IQGAP1: variants seen among roughly 807,000 people sequenced by gnomAD.
IQGAP1 encodes IQ motif containing GTPase activating protein 1.
Under a neutral mutation model 215.6 loss-of-function variants are expected in IQGAP1, and 66 were observed. The observed-to-expected ratio is 0.31, with a 90% CI of 0.25 to 0.38. The LOEUF is 0.38. Among genes scored for constraint, IQGAP1 ranks in the 10% least tolerant of loss-of-function variants. The probability of loss-of-function intolerance (pLI) is 1.00; values close to 1 mark genes in which losing one functional copy is unlikely to be tolerated. For missense variants in IQGAP1, 1,712 were observed against 1,997.1 expected (o/e 0.86, Z 2.72); for synonymous variants, 772 against 728.7 (o/e 1.06, Z -0.96).
intron 36 of IQGAP1, among the ~76,000 whole-genome samples, chr15:90,495,193 C>G (rs965699903): frequency 6.6e-6 from 1 of 152,026 alleles, no homozygotes; most frequent in African/African-American, 2.4e-5. Context: ...AGCTAGGAAC[C>G]AGGCACTTAT....
chr15:90,445,603 T>C (rs1965515809), intron 9 of IQGAP1, among the ~76,000 whole-genome samples: 1 of 152,198 alleles, frequency 6.6e-6, no homozygotes, highest in African/African-American at 2.4e-5. Context: ...GTCCTCCTAA[T>C]TCCTAGCATA....
intron 2 of IQGAP1, among the ~76,000 whole-genome samples, chr15:90,421,140 G>C (rs1400403084): frequency 6.7e-6 from 1 of 150,274 alleles, no homozygotes; most frequent in Non-Finnish European, 1.5e-5. Flanking sequence ...CCATCTCAAA[G>C]AAAAATTTTT....
intron 2 of IQGAP1, among the ~76,000 whole-genome samples, chr15:90,422,418 A>G (rs1323478714): frequency 1.3e-5 from 2 of 151,986 alleles, no homozygotes; most frequent in Non-Finnish European, 2.9e-5. Context: ...AATAAAGAAG[A>G]ACACCGTGCA....
rs1965950718 is a variant in IQGAP1 at position 90,474,489 on chromosome 15, T to C, written c.2580T>C (p.Asn860=). 2 of 1,613,356 alleles carry C rather than the reference T, an allele frequency of 1.2e-6. No homozygotes were observed. The highest frequency in any genetic ancestry group is 1.1e-5 in the South Asian group (1 of 91,066). ...TTGATGCATACTTTCTGTCAGTCAATGCTGAGGATCCTCCTATGGTTGTGG... is the reference window on the plus strand; with the variant it reads ...TTGATGCATACTTTCTGTCAGTCAACGCTGAGGATCCTCCTATGGTTGTGG... ...KARDDYKTLI[N]AEDPPMVVVR... is the part of the protein sequence containing the mutation. Residue 860 remains asparagine (N), a synonymous_variant, in exon 23 of 38, where the codon AAT becomes AAC. Transcript: ENST00000268182.
chr15:90,440,718 A>G lies in IQGAP1; in HGVS notation c.649+103A>G. The G allele has an allele frequency of 5.6e-6, 4 of 714,316 alleles. No individual in the cohort carries two copies. In the South Asian group the frequency reaches 7.2e-5, roughly 13 times the overall value. The allele number at this position is 714,316 out of a possible 1,614,324, so 44.2% of individuals were successfully genotyped here. A position where few individuals can be genotyped will look rare whatever the true frequency, so the allele number is the denominator to read the frequency against. Reference sequence around the variant, plus strand: ...TAGGACATTATGAATCTTGCCAGCAAGTTTAAGTCCACAGATGTAGTTGTA... The same window carrying G: ...TAGGACATTATGAATCTTGCCAGCAGGTTTAAGTCCACAGATGTAGTTGTA... On this transcript the variant is annotated intron_variant, in intron 7 of 37. Coordinates refer to ENST00000268182, the MANE Select transcript of IQGAP1 (RefSeq NM_003870.4).
intron 9 of IQGAP1, among the ~76,000 whole-genome samples, chr15:90,447,504 C>A (rs891177364): frequency 1.3e-5 from 2 of 151,836 alleles, no homozygotes; most frequent in African/African-American, 4.8e-5. Context: ...CTATTATGCC[C>A]CAGATATTTT....
At chr15:90,458,097 T>C (rs1965712079) in intron 15 of IQGAP1, among the ~76,000 whole-genome samples, 1 of 152,224 alleles carries the variant, frequency 6.6e-6, no homozygotes, top group South Asian at 2.1e-4. Context: ...TCTATGGGTT[T>C]GTCTATTCTG....
At chr15:90,480,056 G>T (rs1318960584) in intron 26 of IQGAP1, among the ~76,000 whole-genome samples, 1 of 151,896 alleles carries the variant, frequency 6.6e-6, no homozygotes, top group Non-Finnish European at 1.5e-5. Flanking sequence ...TTTCTTGTGG[G>T]TACCTATAAG....
intron 9 of IQGAP1, among the ~76,000 whole-genome samples, chr15:90,446,002 A>C (rs1965523305): frequency 6.6e-6 from 1 of 152,108 alleles, no homozygotes; most frequent in Non-Finnish European, 1.5e-5. Flanking sequence ...CTTCTGGTTC[A>C]TTTAGGATAA....
At chr15:90,423,861 T>C (rs1965183196) in intron 2 of IQGAP1, among the ~76,000 whole-genome samples, 1 of 152,174 alleles carries the variant, frequency 6.6e-6, no homozygotes, top group African/African-American at 2.4e-5. Flanking sequence ...TGCTGGGAGA[T>C]GTTACCATGG....
At chr15:90,419,293 A>G (rs1393784735) in intron 2 of IQGAP1, among the ~76,000 whole-genome samples, 2 of 152,198 alleles carry the variant, frequency 1.3e-5, no homozygotes, top group African/African-American at 2.4e-5. Context: ...AGGTTGTTGC[A>G]AAGATTGAGA....
intron 2 of IQGAP1, among the ~76,000 whole-genome samples, chr15:90,410,880 C>G (rs1596253561): frequency 6.6e-6 from 1 of 151,594 alleles, no homozygotes; most frequent in East Asian, 1.9e-4. Flanking sequence ...CCCAAGATCC[C>G]CTCAAAAAAA....
intron 18 of IQGAP1, among the ~76,000 whole-genome samples, chr15:90,471,387 A>T (rs1263624420): frequency 3.3e-5 from 5 of 152,130 alleles, no homozygotes; most frequent in African/African-American, 1.2e-4. Flanking sequence ...GAAGAAGGGG[A>T]AGGAGAGCAA....
In IQGAP1 at chr15:90,426,200, G is replaced by A. The variant is rs553155085; in HGVS notation, c.246G>A (p.Gly82=). 1 of 1,601,982 alleles carries A rather than the reference G, an allele frequency of 6.2e-7. No individual in the cohort carries two copies. Among genetic ancestry groups the A allele is most frequent in the Admixed American group, 1.8e-5 (1 of 57,098 alleles). The change falls in exon 3 of 38, where the codon GGG becomes GGA. Residue 82 remains glycine (G), a synonymous_variant. Coordinates refer to ENST00000268182, the MANE Select transcript of IQGAP1 (RefSeq NM_003870.4). ...LRNGVYLAKL[G]NFFSPKVVSL... is the part of the protein sequence containing the mutation. ...ATGGGGTCTACCTTGCCAAACTGGG[G>A]AACTTCTTCTCTCCCAAAGTAGTGT... is the stretch of plus-strand genomic sequence containing the variant.
rs371967986 is a variant in IQGAP1, at chr15:90,443,382, A to G, written c.829-12A>G. 2 of 1,590,982 alleles carry G rather than the reference A, an allele frequency of 1.3e-6. No individual in the cohort carries two copies. Among genetic ancestry groups the G allele is most frequent in the East Asian group, 2.2e-5 (1 of 44,726 alleles). Reference sequence around the variant, plus strand: ...TTAAGCTAACTTAATTACGCTTTTTACTCATCCTCAGACAGAAAACTCAGA... The same window carrying G: ...TTAAGCTAACTTAATTACGCTTTTTGCTCATCCTCAGACAGAAAACTCAGA... On this transcript the variant is annotated splice_polypyrimidine_tract_variant and intron_variant, in intron 8 of 37. Transcript: ENST00000268182.
rs1196961591 is a variant in IQGAP1, at chr15:90,499,931, T to G, written c.4861-64T>G. 4 of 1,103,940 alleles carry G rather than the reference T, an allele frequency of 3.6e-6. No homozygotes were observed. In the African/African-American group the frequency reaches 6.3e-5, roughly 17 times the overall value. The allele number at this position is 1,103,940 out of a possible 1,614,324, so 68.4% of individuals were successfully genotyped here. ...CCTCCCTACATTGTGTCCTTTTTCC[T>G]TGTTCCACAGACTTGATTAACTGTC... On this transcript the variant is annotated intron_variant, in intron 37 of 37. Coordinates refer to ENST00000268182, the MANE Select transcript of IQGAP1 (RefSeq NM_003870.4).
rs1324971390 is a variant in IQGAP1 at position 90,401,819 on chromosome 15, A to C, written c.155+10946A>C. Among the ~76,000 whole-genome samples, 3 of 152,374 alleles carry C rather than the reference A, an allele frequency of 2.0e-5. No individual in the cohort carries two copies. In the East Asian group the frequency reaches 5.8e-4, roughly 29 times the overall value. On this transcript the variant is annotated intron_variant, in intron 2 of 37. Coordinates refer to ENST00000268182, the MANE Select transcript of IQGAP1 (RefSeq NM_003870.4). Reference sequence around the variant, plus strand: ...TGCTGCTATACTTCTGGTTCTAAAAATAATGACAACAGTAGTAACTACTGT... The same window carrying C: ...TGCTGCTATACTTCTGGTTCTAAAACTAATGACAACAGTAGTAACTACTGT...
At chr15:90,446,293 A>G (rs940530497) in intron 9 of IQGAP1, among the ~76,000 whole-genome samples, 5 of 152,202 alleles carry the variant, frequency 3.3e-5, no homozygotes, top group Non-Finnish European at 5.9e-5. Flanking sequence ...AAATAATAAT[A>G]TGTTCTTAAA....
Position 90,498,269 on chromosome 15 carries a change from T to C in IQGAP1, c.4860+929T>C, listed in dbSNP as rs558711753. Among the ~76,000 whole-genome samples the C allele has an allele frequency of 2.0e-5, 3 of 152,122 alleles. No homozygotes were observed. In the South Asian group the frequency reaches 6.2e-4, roughly 32 times the overall value. ...TTTCTTAGTCATCTTCGTTTCCTTC[T>C]CAATGACCAGTAGACCATTAAAACA... is the stretch of plus-strand genomic sequence containing the variant. On this transcript the variant is annotated intron_variant, in intron 37 of 37. Transcript: ENST00000268182.
Sources: allele counts gnomAD v4.1 joint callset (sites outside exome capture counted in the v4.1 genomes callset), GRCh38; gene constraint gnomAD v4.1.1; transcripts MANE v1.5; gene names NCBI Gene and HGNC (gene_info 2026-07-23, HGNC 2026-07-21).